NELFA: variants seen among roughly 807,000 people sequenced by gnomAD.
NELFA encodes negative elongation factor A.
A neutral mutation model predicts 51.8 loss-of-function variants in NELFA; 35 were observed. The observed-to-expected ratio is 0.68, with a 90% CI of 0.52 to 0.90. NELFA has a LOEUF of 0.90. Ranked by LOEUF, NELFA falls within the 40% of genes least tolerant of loss-of-function variation. The pLI is 0.00. For synonymous variants in NELFA, 417 were observed against 338.4 expected, an observed-to-expected ratio of 1.23 and a Z score of -2.55; for missense variants, 658 against 746.4, an observed-to-expected ratio of 0.88 and a Z score of 1.38.
chr4:2,004,668 T>G (rs1341753388), intron 1 of NELFA, among the ~76,000 whole-genome samples: 1 of 149,780 alleles, frequency 6.7e-6, no homozygotes, highest in Non-Finnish European at 1.5e-5. Context: ...TTATATTTTT[T>G]ATGGAGACAG....
chr4:1,989,634 G>T lies in NELFA; in HGVS notation c.544+74C>A. On this transcript the variant is annotated intron_variant, in intron 3 of 10. Coordinates refer to ENST00000382882, the MANE Select transcript of NELFA (RefSeq NM_005663.5). This position sits in a 1 kb window ranked among gnomAD's most constrained non-coding sequence, Gnocchi z 4.8. ...AACGCCACCTTGAAGGGGCAGTCTT[G>T]GTACCTTAGAACCTAAGAAACCTAT... The T allele has an allele frequency of 6.7e-7, 1 of 1,499,260 alleles. No homozygotes were observed. Among genetic ancestry groups the T allele is most frequent in the Non-Finnish European group, 9.0e-7 (1 of 1,109,078 alleles). The allele number at this position is 1,499,260 out of a possible 1,614,324, so 92.9% of individuals were successfully genotyped here. A position where few individuals can be genotyped will look rare whatever the true frequency, so the allele number is the denominator to read the frequency against.
At chr4:1,985,946 C>T (rs1728077844) in intron 6 of NELFA, 82 bp from the exon 7 acceptor site, 15 of 1,383,880 alleles carry the variant, frequency 1.1e-5, no homozygotes, top group Non-Finnish European at 1.5e-5. Flanking sequence ...AATCAAACAG[C>T]TTCCCAGGGG....
chr4:1,983,388 A>G lies in NELFA; in HGVS notation c.1518T>C (p.Phe506=). The change falls in exon 11 of 11, where the codon TTT becomes TTC. Residue 506 remains phenylalanine, a synonymous_variant. Transcript: ENST00000382882. ...ACTGGCCCGTGGCATAGTTCATCTC[A>G]AACACTGTGTCCACCAGCATGGTTG... ...GSTTMLVDTV[F]EMNYATGQWT... is the part of the protein sequence containing the mutation. 6.2e-7 allele frequency: 1 copy of G among 1,614,168 alleles called. No homozygotes were observed. The highest frequency in any genetic ancestry group is 8.5e-7 in the Non-Finnish European group (1 of 1,180,024).
intron 8 of NELFA, among the ~76,000 whole-genome samples, chr4:1,984,455 G>A (rs958433380): frequency 1.3e-5 from 2 of 152,132 alleles, no homozygotes; most frequent in Non-Finnish European, 2.9e-5. Context: ...TGTGAGCCTG[G>A]CAGTGCCCTC....
In NELFA at chr4:1,984,124, A is replaced by G. The variant is rs762122260; in HGVS notation, c.1037-11T>C. The G allele has an allele frequency of 6.5e-7, 1 of 1,538,902 alleles. No individual in the cohort carries two copies. Among genetic ancestry groups the G allele is most frequent in the African/African-American group, 1.4e-5 (1 of 73,408 alleles). Reference sequence around the variant, plus strand: ...CCCGGGAAGATGGGGCTGCAAGTAGACCGGGGCCTGGTGAGGGGGCTGGAC... The same window carrying G: ...CCCGGGAAGATGGGGCTGCAAGTAGGCCGGGGCCTGGTGAGGGGGCTGGAC... On this transcript the variant is annotated splice_polypyrimidine_tract_variant and intron_variant, in intron 8 of 10. Coordinates refer to ENST00000382882, the MANE Select transcript of NELFA (RefSeq NM_005663.5).
At chr4:1,988,709 T>A (rs1041401374) in intron 3 of NELFA, among the ~76,000 whole-genome samples, 5 of 152,250 alleles carry the variant, frequency 3.3e-5, no homozygotes, top group African/African-American at 4.8e-5. Flanking sequence ...AATAAAACGA[T>A]GTTATTGAAA....
rs188891900 is a variant in NELFA, at chr4:2,003,685, G to A, written c.210+5065C>T. Among the ~76,000 whole-genome samples the A allele has an allele frequency of 5.3e-5, 8 of 152,140 alleles. No homozygotes were observed. In the East Asian group the frequency reaches 9.6e-4, roughly 18 times the overall value. On this transcript the variant is annotated intron_variant, in intron 1 of 10. Transcript: ENST00000382882. Reference sequence around the variant, plus strand: ...TAAGTGGCAGGTAGTTGAACACTGAGAACACATGCACACAGAGAGGGGAAC... The same window carrying A: ...TAAGTGGCAGGTAGTTGAACACTGAAAACACATGCACACAGAGAGGGGAAC...
intron 7 of NELFA, among the ~76,000 whole-genome samples, chr4:1,985,475 G>A (rs887243434): frequency 1.3e-5 from 2 of 152,060 alleles, no homozygotes; most frequent in African/African-American, 4.8e-5. Context: ...CACGTGCAAG[G>A]CTTAGGTCCC....
At chr4:2,007,260 C>T (rs1252497913) in intron 1 of NELFA, 4 of 261,162 alleles carry the variant, frequency 1.5e-5, no homozygotes, top group African/African-American at 9.0e-5. Flanking sequence ...TTGGCATGAT[C>T]CTATGATCCT....
chr4:1,984,365 C>G (rs536290906), intron 8 of NELFA, among the ~76,000 whole-genome samples: 62 of 152,286 alleles, frequency 4.1e-4, no homozygotes, highest in African/African-American at 1.5e-3. Flanking sequence ...TGCAGCAGGT[C>G]CCCATACCGT....
chr4:2,001,303 T>G (rs971303962), intron 1 of NELFA, among the ~76,000 whole-genome samples: 1 of 152,142 alleles, frequency 6.6e-6, no homozygotes, highest in Non-Finnish European at 1.5e-5. Flanking sequence ...CCAGGGCAAT[T>G]AGGCAAGAGA....
intron 4 of NELFA, 79 bp downstream of exon 4, chr4:1,987,839 A>G (rs1225464045): frequency 5.6e-6 from 7 of 1,241,820 alleles, no homozygotes; most frequent in Middle Eastern, 2.2e-4. Context: ...CCACCTCCCC[A>G]ACAGGGAGCG....
In NELFA at chr4:1,989,901, G is replaced by T; in HGVS notation, c.383-32C>A. ...GTAAGAACCACATGAAGTTAGGGGC[G>T]CCCAGGCCGCAGACCTCCCGGCTGA... On this transcript the variant is annotated intron_variant, in intron 2 of 10. Coordinates refer to ENST00000382882, the MANE Select transcript of NELFA (RefSeq NM_005663.5). The surrounding 1 kb of genome is among the most constrained non-coding windows in gnomAD (Gnocchi z 4.8). 2 of 1,601,116 alleles carry T rather than the reference G, an allele frequency of 1.2e-6. No individual in the cohort carries two copies. The highest frequency in any genetic ancestry group is 1.7e-6 in the Non-Finnish European group (2 of 1,173,258).
intron 1 of NELFA, among the ~76,000 whole-genome samples, chr4:2,005,881 C>T (rs1728697142): frequency 6.6e-6 from 1 of 152,148 alleles, no homozygotes; most frequent in Admixed American, 6.5e-5. Context: ...GATAAGCCCA[C>T]ACCCACAAAT....
At chr4:2,003,406 C>G (rs931586348) in intron 1 of NELFA, among the ~76,000 whole-genome samples, 1 of 152,180 alleles carries the variant, frequency 6.6e-6, no homozygotes, top group African/African-American at 2.4e-5. Context: ...ATAAATCATT[C>G]TGCTATAAAG....
chr4:1,991,651 A>G lies in NELFA; in HGVS notation c.275T>C (p.Met92Thr), dbSNP rs1728272287. The G allele has an allele frequency of 6.2e-7, 1 of 1,613,860 alleles. No homozygotes were observed. Among genetic ancestry groups the G allele is most frequent in the Non-Finnish European group, 8.5e-7 (1 of 1,179,974 alleles). The change falls in exon 2 of 11, where the codon ATG becomes ACG. Residue 92 changes from methionine (M) to threonine (T), a missense_variant. By Grantham distance (81) the Met-to-Thr change is moderately conservative. Around this residue, in one of 3 missense-constraint regions of NELFA, gnomAD observed 371 missense variants for 448.3 expected, o/e 0.83. Transcript: ENST00000382882. ...ASLDSDPWVLMVADILKSFPD... is the reference protein window; with the variant it reads ...ASLDSDPWVLTVADILKSFPD... ...AAAGGACTTCAAGATGTCGGCGACC[A>G]TGAGCACCCAGGGGTCCGAGTCGAG...
intron 1 of NELFA, among the ~76,000 whole-genome samples, chr4:1,993,150 T>C (rs1235990738): frequency 1.3e-5 from 2 of 152,224 alleles, no homozygotes; most frequent in Non-Finnish European, 2.9e-5. Flanking sequence ...CGCGCGGCAT[T>C]TTATAAAAAT....
intron 8 of NELFA, among the ~76,000 whole-genome samples, 157 bp downstream of exon 8, chr4:1,984,651 G>T (rs1728024476): frequency 6.6e-6 from 1 of 152,250 alleles, no homozygotes; most frequent in Non-Finnish European, 1.5e-5. Context: ...AGCTCAAGCT[G>T]AACAGCGGGG....
At chr4:1,990,921 C>T (rs1728251446) in intron 2 of NELFA, among the ~76,000 whole-genome samples, 1 of 152,240 alleles carries the variant, frequency 6.6e-6, no homozygotes. Context: ...CTGACTCAGC[C>T]TCCCAAGTAC....
Sources: allele counts gnomAD v4.1 joint callset (sites outside exome capture counted in the v4.1 genomes callset), GRCh38; gene constraint gnomAD v4.1.1; regional missense constraint gnomAD v4.1.1; non-coding constraint Gnocchi (gnomAD v3.1); transcripts MANE v1.5; gene names NCBI Gene and HGNC (gene_info 2026-07-23, HGNC 2026-07-21).